The following CNTN4 variants were observed in gnomAD, a reference collection of about 807,000 sequenced individuals.
CNTN4 encodes the protein contactin-4.
CNTN4 carries 77 observed loss-of-function variants against 122.5 expected under a neutral mutation model. The observed-to-expected ratio is 0.63, with a 90% confidence interval of 0.52 to 0.76. The LOEUF (loss-of-function observed/expected upper bound fraction) is 0.76. CNTN4 is among the 30% of genes least tolerant of loss of function. The pLI, the probability that CNTN4 is intolerant of heterozygous loss-of-function variation, is 0.00. For missense variants in CNTN4, 1,256 were observed against 1,259.1 expected, an observed-to-expected ratio of 1.00 and a Z score of 0.04; for synonymous variants, 512 against 447.0, an observed-to-expected ratio of 1.15 and a Z score of -1.83.
At position 2,736,141 on chromosome 3, in the gene CNTN4, ATGTTGTTGTTTCC is replaced by A. The variant is rs1559446757; in HGVS notation, c.56-63_56-51del. 8 of 1,404,320 alleles carry A rather than the reference ATGTTGTTGTTTCC, an allele frequency of 5.7e-6. No homozygotes were observed. The East Asian group carries it at 1.6e-4, about 28-fold the overall frequency. The allele number at this position is 1,404,320 out of a possible 1,614,324, so 87.0% of individuals were successfully genotyped here. On this transcript the variant is annotated intron_variant, in intron 4 of 24. Transcript: ENST00000418658. ...TTAATTTCTTTCTATTATTTTCCTT[ATGTTGTTGTTTCC>A]TGTTGTTGTTCCTATTTGGAAGGGA...
chr3:2,434,366 C>G (rs1226081424), intron 3 of CNTN4, among the ~76,000 whole-genome samples: 1 of 152,024 alleles, frequency 6.6e-6, no homozygotes, highest in Non-Finnish European at 1.5e-5. Flanking sequence ...GAAAGAAAGA[C>G]TCTACAAGAA....
intron 4 of CNTN4, among the ~76,000 whole-genome samples, chr3:2,672,282 A>G (rs577638538): frequency 0.014 from 1,600 of 112,084 alleles, 30 homozygotes; most frequent in African/African-American, 0.065. Flanking sequence ...CTTCCAGGCC[A>G]ATTTGTTTAC....
At chr3:2,411,779 C>CT (rs1450373893) in intron 3 of CNTN4, among the ~76,000 whole-genome samples, 3 of 151,978 alleles carry the variant, frequency 2.0e-5, no homozygotes, top group Non-Finnish European at 4.4e-5. Context: ...TGCCTTTTTG[C>CT]TTTTATTCTG....
intron 3 of CNTN4, among the ~76,000 whole-genome samples, chr3:2,513,720 G>A (rs763863031): frequency 1.3e-5 from 2 of 151,968 alleles, no homozygotes; most frequent in Admixed American, 6.6e-5. Context: ...TATTACTTTC[G>A]GAATGTTTAG....
At chr3:2,596,865 G>T (rs997096655) in intron 4 of CNTN4, among the ~76,000 whole-genome samples, 6 of 152,134 alleles carry the variant, frequency 3.9e-5, no homozygotes, top group Admixed American at 6.5e-5. Context: ...ATTTGAATCT[G>T]CAGTAAACTG....
chr3:2,759,399 G>A (rs1344396056), intron 6 of CNTN4, among the ~76,000 whole-genome samples: 5 of 151,990 alleles, frequency 3.3e-5, no homozygotes, highest in Admixed American at 1.3e-4. Context: ...TGCCCGCCTC[G>A]GCCTCCCAAA....
At chr3:2,509,818 T>A (rs2076832950) in intron 3 of CNTN4, among the ~76,000 whole-genome samples, 1 of 152,168 alleles carries the variant, frequency 6.6e-6, no homozygotes, top group Admixed American at 6.5e-5. Context: ...TTCTCTACCT[T>A]TGGATAGTAG....
chr3:2,319,321 C>T (rs561844137), intron 2 of CNTN4, among the ~76,000 whole-genome samples: 1 of 152,092 alleles, frequency 6.6e-6, no homozygotes, highest in South Asian at 2.1e-4. Context: ...GTTGGATGAA[C>T]ATTGCCTAAA....
At chr3:2,875,721 A>ACTT (rs1388928781) in intron 8 of CNTN4, among the ~76,000 whole-genome samples, 3 of 152,236 alleles carry the variant, frequency 2.0e-5, no homozygotes, top group Admixed American at 2.0e-4. Flanking sequence ...CCATTAAAAT[A>ACTT]CTTGTTATTT....
At chr3:2,950,524 T>C (rs1273082130) in intron 13 of CNTN4, among the ~76,000 whole-genome samples, 1 of 152,186 alleles carries the variant, frequency 6.6e-6, no homozygotes, top group Non-Finnish European at 1.5e-5. Context: ...ATGAGGTTAT[T>C]TGCTTACCTC....
chr3:2,967,595 A>G (rs1473238506), intron 13 of CNTN4, among the ~76,000 whole-genome samples: 1 of 152,140 alleles, frequency 6.6e-6, no homozygotes, highest in Non-Finnish European at 1.5e-5. Context: ...GTGAACAAGG[A>G]CAGCTTGGAG....
At chr3:2,621,993 C>T (rs540272278) in intron 4 of CNTN4, among the ~76,000 whole-genome samples, 3 of 152,272 alleles carry the variant, frequency 2.0e-5, no homozygotes, top group African/African-American at 7.2e-5. Context: ...AGCCTCGCTA[C>T]ATGTTTCAGT....
chr3:2,345,657 G>C (rs1050444370), intron 3 of CNTN4, among the ~76,000 whole-genome samples: 1 of 152,122 alleles, frequency 6.6e-6, no homozygotes, highest in Admixed American at 6.5e-5. Context: ...TGAGTTTGCT[G>C]TCTAATAGGG....
At chr3:2,405,602 G>GGT (rs766881831) in intron 3 of CNTN4, among the ~76,000 whole-genome samples, 1 of 126,570 alleles carries the variant, frequency 7.9e-6, no homozygotes, top group Non-Finnish European at 1.7e-5. Context: ...TAGGTAGATA[G>GGT]ATAGATAGAT....
At chr3:2,917,013 T>C (rs1168097291) in intron 12 of CNTN4, among the ~76,000 whole-genome samples, 2 of 125,268 alleles carry the variant, frequency 1.6e-5, no homozygotes, top group Admixed American at 8.3e-5. Flanking sequence ...CTGGGCACCA[T>C]TGAGCACTGA....
chr3:2,655,775 C>T (rs1260042136), intron 4 of CNTN4, among the ~76,000 whole-genome samples: 1 of 152,128 alleles, frequency 6.6e-6, no homozygotes, highest in Admixed American at 6.6e-5. Context: ...CCTAGTGCCT[C>T]TTTGCCAGAA....
chr3:2,812,552 TG>T (rs1279295180), intron 6 of CNTN4, among the ~76,000 whole-genome samples: 2 of 149,002 alleles, frequency 1.3e-5, no homozygotes, highest in Non-Finnish European at 3.0e-5. Context: ...TTATCAGGTT[TG>T]TTTTTTTTGT....
At chr3:2,772,215 G>A (rs1243609384) in intron 6 of CNTN4, among the ~76,000 whole-genome samples, 1 of 152,064 alleles carries the variant, frequency 6.6e-6, no homozygotes, top group Non-Finnish European at 1.5e-5. Context: ...CTTCATTTTG[G>A]AATGGGCATT....
At chr3:2,143,164 T>C (rs767278102) in intron 2 of CNTN4, among the ~76,000 whole-genome samples, 4 of 152,212 alleles carry the variant, frequency 2.6e-5, no homozygotes, top group Non-Finnish European at 5.9e-5. Flanking sequence ...TTTTATAGAC[T>C]GGATTTTTTT....
Sources: gnomAD v4.1 joint callset for allele counts (sites outside exome capture counted in the v4.1 genomes callset) on GRCh38, gnomAD v4.1.1 for gene constraint, MANE v1.5 for transcripts, NCBI Gene and HGNC (gene_info 2026-07-23, HGNC 2026-07-21) for gene names.